The following NUDT7 variants were observed in gnomAD, a reference collection of about 807,000 sequenced individuals.
NUDT7 encodes the protein peroxisomal coenzyme A diphosphatase NUDT7.
NUDT7 carries 19 observed loss-of-function variants against 13.1 expected under a neutral mutation model. That is an observed-to-expected ratio of 1.45 (90% CI 1.01 to 2.13). NUDT7 has a LOEUF of 2.13. Ranked by LOEUF, NUDT7 falls within the 30% of genes most tolerant of loss-of-function variation. NUDT7 has a pLI of 0.00. For synonymous variants in NUDT7, 132 were observed against 109.7 expected (o/e 1.20, Z -1.27); for missense variants, 360 against 291.7 (o/e 1.23, Z -1.71).
chr16:77,741,683 C>G lies in NUDT7; in HGVS notation c.450C>G (p.Ala150=). 6.2e-7 allele frequency: 1 copy of G among 1,614,162 alleles called. No individual in the cohort carries two copies. The highest frequency in any genetic ancestry group is 1.6e-4 in the Middle Eastern group (1 of 6,062). ...AGGATGTATTCCTGGTGCCTCTGGC[C>G]TATTTCCTGCATCCACAGGTCCATG... ...EVKDVFLVPL[A]YFLHPQVHDQ... is the part of the protein sequence containing the mutation. The change falls in exon 4 of 4, where the codon GCC becomes GCG. Residue 150 remains alanine, a synonymous_variant. Coordinates refer to ENST00000268533, the MANE Select transcript of NUDT7 (RefSeq NM_001105663.3).
intron 3 of NUDT7, chr16:77,737,558 T>C (rs2014528109): frequency 6.6e-6 from 1 of 152,084 alleles, no homozygotes; most frequent in Non-Finnish European, 1.5e-5. Flanking sequence ...CAAACTCGGC[T>C]CACTGCAAGC....
Position 77,741,960 on chromosome 16 carries a change from G to A in NUDT7, c.*10G>A. On this transcript the variant is annotated 3_prime_UTR_variant, in exon 4 of 4. Transcript: ENST00000268533. Reference sequence around the variant, plus strand: ...TACAAGCAGGTTATGATTTACTAGAGCAAGAGACAAAGAACTATTCACGAG... The same window carrying A: ...TACAAGCAGGTTATGATTTACTAGAACAAGAGACAAAGAACTATTCACGAG... The A allele has an allele frequency of 1.3e-6, 2 of 1,568,864 alleles. No homozygotes were observed. Among genetic ancestry groups the A allele is most frequent in the Middle Eastern group, 1.9e-4 (1 of 5,316 alleles).
chr16:77,735,615 T>C (rs374309266), intron 2 of NUDT7: 74 of 590,794 alleles, frequency 1.3e-4, no homozygotes, highest in African/African-American at 8.9e-4. Context: ...TGGGGACAAA[T>C]AGAATAAAAG....
chr16:77,733,747 G>A (rs1045820801), intron 2 of NUDT7, among the ~76,000 whole-genome samples: 1 of 152,172 alleles, frequency 6.6e-6, no homozygotes, highest in African/African-American at 2.4e-5. Flanking sequence ...GGAGCACACT[G>A]TCATTACCCC....
At chr16:77,731,517 G>C (rs1305337488) in intron 2 of NUDT7, among the ~76,000 whole-genome samples, 2 of 152,068 alleles carry the variant, frequency 1.3e-5, no homozygotes, top group African/African-American at 2.4e-5. Context: ...TAAAAGTGTA[G>C]CACATACAAT....
intron 3 of NUDT7, chr16:77,736,792 CACA>C (rs780437168): frequency 4.2e-5 from 7 of 167,422 alleles, no homozygotes; most frequent in East Asian, 3.5e-4. Flanking sequence ...ATCGGTTCAC[CACA>C]ACAACCTCAT....
chr16:77,723,114 G>A (rs1236013675), intron 1 of NUDT7, among the ~76,000 whole-genome samples: 1 of 149,862 alleles, frequency 6.7e-6, no homozygotes, highest in East Asian at 2.0e-4. Flanking sequence ...GGCTGCTACT[G>A]CTGTTGATAC....
intron 3 of NUDT7, 70 bp from the exon 4 acceptor site, chr16:77,741,512 G>A: frequency 6.8e-7 from 1 of 1,463,768 alleles, no homozygotes; most frequent in Non-Finnish European, 9.1e-7. Flanking sequence ...ACCTAGAAGT[G>A]GCATGATTTT....
chr16:77,741,392 G>C, intron 3 of NUDT7, 190 bp from the exon 4 acceptor site: 1 of 556,994 alleles, frequency 1.8e-6, no homozygotes, highest in Non-Finnish European at 3.1e-6. Context: ...TCATCTCATA[G>C]ATGTCACCTC....
chr16:77,741,464 C>T (rs1173636820), intron 3 of NUDT7, 118 bp from the exon 4 acceptor site: 1 of 1,059,040 alleles, frequency 9.4e-7, no homozygotes, highest in Non-Finnish European at 1.3e-6. Context: ...AATAAGCTTT[C>T]TTCCCCTTCT....
chr16:77,728,279 C>T (rs953874951), intron 2 of NUDT7, among the ~76,000 whole-genome samples: 5 of 152,188 alleles, frequency 3.3e-5, no homozygotes, highest in Admixed American at 2.6e-4. Context: ...GTCGCCCAGG[C>T]TGGAGTGCAG....
chr16:77,724,236 G>A (rs954175863), intron 1 of NUDT7, among the ~76,000 whole-genome samples: 1 of 152,004 alleles, frequency 6.6e-6, no homozygotes, highest in Non-Finnish European at 1.5e-5. Context: ...TCTTCCCTGT[G>A]TGCATCTCTC....
intron 2 of NUDT7, among the ~76,000 whole-genome samples, chr16:77,735,199 A>T (rs944607192): frequency 6.6e-6 from 1 of 151,978 alleles, no homozygotes; most frequent in Non-Finnish European, 1.5e-5. Context: ...TATGGTTTGG[A>T]TCCTGTCCCC....
chr16:77,738,019 C>T (rs2145126718), intron 3 of NUDT7, among the ~76,000 whole-genome samples: 1 of 152,132 alleles, frequency 6.6e-6, no homozygotes, highest in East Asian at 1.9e-4. Context: ...TTGCAAAAAG[C>T]TAGTGGCCAC....
rs149391562 is a variant in NUDT7, at chr16:77,738,648, C to T, written c.348+2662C>T. 2.0e-4 allele frequency among the ~76,000 whole-genome samples: 30 copies of T among 152,170 alleles called. No homozygotes were observed. In the East Asian group the frequency reaches 5.4e-3, roughly 27 times the overall value. ...ATCTCGAGTCCCAGTGATCTCAGCT[C>T]ACTGCAACCTCCACCTCCCAAGTTC... On this transcript the variant is annotated intron_variant, in intron 3 of 3. Coordinates refer to ENST00000268533, the MANE Select transcript of NUDT7 (RefSeq NM_001105663.3).
At chr16:77,735,126 A>G (rs2145121422) in intron 2 of NUDT7, among the ~76,000 whole-genome samples, 1 of 152,234 alleles carries the variant, frequency 6.6e-6, no homozygotes, top group Middle Eastern at 3.4e-3. Context: ...TGTTGATAAT[A>G]TTGCCCCTTA....
At chr16:77,737,978 T>C (rs1339605365) in intron 3 of NUDT7, among the ~76,000 whole-genome samples, 1 of 152,076 alleles carries the variant, frequency 6.6e-6, no homozygotes, top group East Asian at 1.9e-4. Flanking sequence ...TTTTTAAAAA[T>C]AGAAAGGTCA....
intron 3 of NUDT7, among the ~76,000 whole-genome samples, chr16:77,738,162 C>T (rs530731188): frequency 2.6e-5 from 4 of 152,278 alleles, no homozygotes; most frequent in Admixed American, 1.3e-4. Flanking sequence ...GCAAATCCAC[C>T]AGCATTTGGA....
In NUDT7 at chr16:77,741,724, C is replaced by G; in HGVS notation, c.491C>G (p.Thr164Arg). ...CAGGTCCATGACCAGCATTACGTCA[C>G]ACGTCTTGGTCACCGTTTTATTAAT... is the stretch of plus-strand genomic sequence containing the variant. Reference protein sequence around the residue: ...HPQVHDQHYVTRLGHRFINHI... With the variant: ...HPQVHDQHYVRRLGHRFINHI... The change falls in exon 4 of 4, where the codon ACA becomes AGA. Residue 164 changes from threonine (T) to arginine (R), a missense_variant. Transcript: ENST00000268533. 2 of 1,614,106 alleles carry G rather than the reference C, an allele frequency of 1.2e-6. No homozygotes were observed. Among genetic ancestry groups the G allele is most frequent in the Non-Finnish European group, 1.7e-6 (2 of 1,179,986 alleles).
Sources: gnomAD v4.1 joint callset for allele counts (sites outside exome capture counted in the v4.1 genomes callset) on GRCh38, gnomAD v4.1.1 for gene constraint, MANE v1.5 for transcripts, NCBI Gene and HGNC (gene_info 2026-07-23, HGNC 2026-07-21) for gene names.